The following HAVCR1 variants were observed in gnomAD, a reference collection of about 807,000 sequenced individuals.
HAVCR1 encodes the protein T cell immunoglobin domain and mucin domain protein 1.
Under a neutral mutation model 32.0 loss-of-function variants are expected in HAVCR1, and 34 were observed. That is an observed-to-expected ratio of 1.06 (90% confidence interval 0.81 to 1.42). The LOEUF (loss-of-function observed/expected upper bound fraction) is 1.42. HAVCR1 is among the 40% of genes most tolerant of loss of function. The pLI, the probability that HAVCR1 is intolerant of heterozygous loss-of-function variation, is 0.00. For synonymous variants in HAVCR1, 178 were observed against 170.3 expected (o/e 1.05, Z -0.35); for missense variants, 420 against 442.3 (o/e 0.95, Z 0.45).
intron 7 of HAVCR1, among the ~76,000 whole-genome samples, chr5:157,033,997 G>A (rs1754340410): frequency 6.6e-6 from 1 of 152,246 alleles, no homozygotes; most frequent in Non-Finnish European, 1.5e-5. Flanking sequence ...AGGTTGCAGT[G>A]AGCTTTAAGG....
At chr5:157,068,495 G>A in the HAVCR1 span, among the ~76,000 whole-genome samples, 1 of 151,998 alleles carries the variant, frequency 6.6e-6, no homozygotes, top group African/African-American at 2.4e-5. Context: ...GCTGGGGTGG[G>A]AGGATCGCTT....
At chr5:157,043,577 G>T (rs375877137) in intron 5 of HAVCR1, among the ~76,000 whole-genome samples, 3 of 152,264 alleles carry the variant, frequency 2.0e-5, no homozygotes, top group African/African-American at 7.2e-5. Flanking sequence ...GCTGAGGTAG[G>T]AGAATCCCTG....
chr5:157,042,208 C>T (rs928424929), intron 6 of HAVCR1, among the ~76,000 whole-genome samples: 4 of 151,950 alleles, frequency 2.6e-5, no homozygotes, highest in East Asian at 1.9e-4. Context: ...TAAAGCATCC[C>T]GAGGCGGGCG....
chr5:157,032,540 G>T (rs535402247), intron 8 of HAVCR1, among the ~76,000 whole-genome samples: 1 of 151,154 alleles, frequency 6.6e-6, no homozygotes, highest in African/African-American at 2.4e-5. Flanking sequence ...AGCGTTAAAC[G>T]AAATAAAAGA....
chr5:157,031,235 A>G (rs189922130), intron 8 of HAVCR1, among the ~76,000 whole-genome samples: 1 of 152,330 alleles, frequency 6.6e-6, no homozygotes, highest in African/African-American at 2.4e-5. Flanking sequence ...GTCGATGTGT[A>G]TTGAGCACTT....
intron 1 of HAVCR1, 152 bp from the exon 2 acceptor site, chr5:157,058,107 C>A: frequency 1.6e-6 from 1 of 630,596 alleles, no homozygotes; most frequent in Admixed American, 2.4e-5. Context: ...CCACATATAA[C>A]GGCTTCAGAG....
chr5:157,030,831 CAT>C (rs1754129218), intron 8 of HAVCR1, among the ~76,000 whole-genome samples: 1 of 152,172 alleles, frequency 6.6e-6, no homozygotes, highest in Admixed American at 6.6e-5. Flanking sequence ...AGATGAAACA[CAT>C]GTCCACACAT....
intron 4 of HAVCR1, among the ~76,000 whole-genome samples, chr5:157,050,478 G>C (rs4596365): frequency 6.6e-6 from 1 of 152,176 alleles, no homozygotes; most frequent in Non-Finnish European, 1.5e-5. Flanking sequence ...ATTTGCTCCA[G>C]GGTTCTCTCA....
chr5:157,042,725 T>A, intron 5 of HAVCR1, 43 bp from the exon 6 acceptor site: 1 of 1,230,102 alleles, frequency 8.1e-7, no homozygotes, highest in East Asian at 2.3e-5. Context: ...ACAAAAAATA[T>A]TGAATTTTCA....
intron 6 of HAVCR1, among the ~76,000 whole-genome samples, chr5:157,041,236 G>C (rs774788817): frequency 7.9e-5 from 12 of 152,288 alleles, no homozygotes; most frequent in South Asian, 4.1e-4. Context: ...GGTGGCTCAC[G>C]CCTGTAATTC....
intron 6 of HAVCR1, among the ~76,000 whole-genome samples, chr5:157,040,075 G>C (rs75709335): frequency 6.6e-6 from 1 of 152,180 alleles, no homozygotes; most frequent in Non-Finnish European, 1.5e-5. Context: ...AAGGCGGGTG[G>C]ATCACCTGAG....
chr5:157,068,332 C>T, the HAVCR1 span, among the ~76,000 whole-genome samples: 2 of 151,904 alleles, frequency 1.3e-5, no homozygotes, highest in Non-Finnish European at 2.9e-5. Flanking sequence ...ACCTGTAGGC[C>T]CAGCCCTTTG....
intron 5 of HAVCR1, among the ~76,000 whole-genome samples, chr5:157,045,070 T>C (rs1198186326): frequency 2.0e-5 from 3 of 152,120 alleles, no homozygotes; most frequent in East Asian, 1.9e-4. Flanking sequence ...CCAAACCCTA[T>C]AGAGACCATG....
At position 157,039,666 on chromosome 5, in the gene HAVCR1, C is replaced by T. The variant is rs186503568; in HGVS notation, c.838-2305G>A. On this transcript the variant is annotated intron_variant, in intron 6 of 8. Coordinates refer to ENST00000523175, the MANE Select transcript of HAVCR1 (RefSeq NM_001173393.3). ...GCCCTGCCAATGACTACATTCTTTA[C>T]GGCAATACGTGCACATGCTTAACTA... is the stretch of plus-strand genomic sequence containing the variant. Among the ~76,000 whole-genome samples the T allele has an allele frequency of 2.6e-5, 4 of 152,274 alleles. No homozygotes were observed. The East Asian group carries it at 7.7e-4, about 29-fold the overall frequency.
the HAVCR1 span, among the ~76,000 whole-genome samples, chr5:157,065,747 C>T: frequency 6.6e-6 from 1 of 151,944 alleles, no homozygotes; most frequent in East Asian, 1.9e-4. Context: ...CCCAGCTACT[C>T]AGGAGGCTGA....
At chr5:157,060,034 A>G (rs1756442036), upstream of HAVCR1, among the ~76,000 whole-genome samples, 2 of 152,164 alleles carry the variant, frequency 1.3e-5, no homozygotes. Flanking sequence ...AGTTATTACT[A>G]ACATATTGAG....
intron 8 of HAVCR1, among the ~76,000 whole-genome samples, chr5:157,032,118 T>A (rs929359430): frequency 6.6e-6 from 1 of 152,236 alleles, no homozygotes. Flanking sequence ...CATGCTTATT[T>A]GCTTACATGG....
chr5:157,049,446 T>C (rs1284139408), intron 4 of HAVCR1, among the ~76,000 whole-genome samples: 3 of 152,310 alleles, frequency 2.0e-5, no homozygotes, highest in Admixed American at 6.5e-5. Flanking sequence ...TATCTCAAAC[T>C]TTCTATACTC....
At chr5:157,036,731 C>A (rs906927636) in intron 7 of HAVCR1, among the ~76,000 whole-genome samples, 2 of 152,124 alleles carry the variant, frequency 1.3e-5, no homozygotes, top group African/African-American at 4.8e-5. Context: ...GAGACAATGT[C>A]TCACTATGTT....
Sources: gnomAD v4.1 joint callset for allele counts (sites outside exome capture counted in the v4.1 genomes callset) on GRCh38, gnomAD v4.1.1 for gene constraint, MANE v1.5 for transcripts, NCBI Gene and HGNC (gene_info 2026-07-23, HGNC 2026-07-21) for gene names.